Variants in ZRANB1 observed in about 807,000 individuals in gnomAD.
ZRANB1 encodes ubiquitin thioesterase ZRANB1.
A neutral mutation model predicts 80.5 loss-of-function variants in ZRANB1; 16 were observed. That is an observed-to-expected ratio of 0.20 (90% CI 0.13 to 0.30). ZRANB1 has a LOEUF of 0.30. Ranked by LOEUF, ZRANB1 falls within the 10% of genes least tolerant of loss-of-function variation. The pLI is 1.00. For synonymous variants in ZRANB1, 291 were observed against 293.1 expected (o/e 0.99, Z 0.07); for missense variants, 576 against 862.6 (o/e 0.67, Z 4.16).
At chr10:124,964,898 T>A (rs1479750780) in intron 1 of ZRANB1, among the ~76,000 whole-genome samples, 2 of 152,216 alleles carry the variant, frequency 1.3e-5, no homozygotes, top group Non-Finnish European at 2.9e-5. Context: ...AAAACTGCAT[T>A]GAATTATCTT....
At position 124,943,055 on chromosome 10, in the gene ZRANB1, A is replaced by C. The variant is rs1951550517; in HGVS notation, c.562A>C (p.Thr188Pro). ...CATTGAAGCAATAGAATTGGCAGAG[A>C]CTGAAGAGGCTTCTTCAATAATAAA... The part of the protein sequence containing the change: ...NNIEAIELAE[T>P]EEASSIINEQ... Residue 188 changes from threonine to proline, a missense_variant, in exon 1 of 9, where the codon ACT (threonine) becomes CCT (proline). By Grantham distance (38) the Thr-to-Pro change is conservative (BLOSUM62 -1). Around this residue, in one of 3 missense-constraint regions of ZRANB1, gnomAD observed 411 missense variants for 583.1 expected, o/e 0.70. Transcript: ENST00000359653. 6.2e-7 allele frequency: 1 copy of C among 1,614,116 alleles called. No individual in the cohort carries two copies. The highest frequency in any genetic ancestry group is 1.3e-5 in the African/African-American group (1 of 74,942).
chr10:124,945,600 A>G (rs1313155597), intron 1 of ZRANB1: 1 of 152,140 alleles, frequency 6.6e-6, no homozygotes, highest in Non-Finnish European at 1.5e-5. Flanking sequence ...TCAGGGCTTC[A>G]TTTCAACCCC....
chr10:124,970,436 G>T (rs563346456), intron 2 of ZRANB1, among the ~76,000 whole-genome samples: 19 of 151,936 alleles, frequency 1.3e-4, no homozygotes, highest in East Asian at 3.9e-4. Context: ...ATATTTTGGG[G>T]TTTTTTGTAG....
chr10:124,949,332 G>A (rs1409334618), intron 1 of ZRANB1, among the ~76,000 whole-genome samples: 1 of 151,790 alleles, frequency 6.6e-6, no homozygotes, highest in African/African-American at 2.4e-5. Context: ...TTTAGGAGCT[G>A]AGATTTGGTT....
At chr10:124,953,062 T>A (rs1185826877) in intron 1 of ZRANB1, among the ~76,000 whole-genome samples, 1 of 151,612 alleles carries the variant, frequency 6.6e-6, no homozygotes, top group African/African-American at 2.4e-5. Flanking sequence ...GTAGCTGGGA[T>A]TACAGGTGCA....
Position 124,983,216 on chromosome 10 carries a change from A to C in ZRANB1, c.1590A>C (p.Ala530=). ...SLEQTHIFVL[A]HILRRPIIVY... ...AGCAGACGCACATTTTTGTACTGGC[A>C]CATATTCTTAGACGACCAATTATAG... is the stretch of plus-strand genomic sequence containing the variant. The change falls in exon 7 of 9, where the codon GCA becomes GCC. Residue 530 remains alanine (A), a synonymous_variant. Transcript: ENST00000359653. This position sits in a 1 kb window ranked among gnomAD's most constrained non-coding sequence, Gnocchi z 6.2. 1 of 1,614,184 alleles carries C rather than the reference A, an allele frequency of 6.2e-7. No individual in the cohort carries two copies. Among genetic ancestry groups the C allele is most frequent in the Middle Eastern group, 1.6e-4 (1 of 6,062 alleles).
the ZRANB1 span, among the ~76,000 whole-genome samples, chr10:124,929,944 C>CAAA: frequency 1.7e-4 from 15 of 87,722 alleles, no homozygotes; most frequent in Non-Finnish European, 2.3e-4. Context: ...GACTCTGTCT[C>CAAA]AAAAAAAAAA....
intron 5 of ZRANB1, 27 bp downstream of exon 5, chr10:124,974,425 AC>A: frequency 3.1e-6 from 5 of 1,611,070 alleles, no homozygotes; most frequent in Non-Finnish European, 4.2e-6. Context: ...CCCTGTTTCA[AC>A]CCAGGAGTGC....
intron 1 of ZRANB1, among the ~76,000 whole-genome samples, chr10:124,946,636 C>T (rs1951586656): frequency 6.6e-6 from 1 of 152,268 alleles, no homozygotes; most frequent in African/African-American, 2.4e-5. Context: ...TTACTATTAA[C>T]TCTACAATGT....
chr10:124,973,017 G>A (rs1206316238), intron 3 of ZRANB1, among the ~76,000 whole-genome samples: 1 of 151,994 alleles, frequency 6.6e-6, no homozygotes, highest in African/African-American at 2.4e-5. Flanking sequence ...TAATTTTTAT[G>A]TTCAGACAAA....
At chr10:124,931,840 C>G in the ZRANB1 span, among the ~76,000 whole-genome samples, 2 of 152,034 alleles carry the variant, frequency 1.3e-5, no homozygotes, top group Non-Finnish European at 2.9e-5. Flanking sequence ...ACATAATCAC[C>G]CAAAGTACAT....
intron 1 of ZRANB1, among the ~76,000 whole-genome samples, chr10:124,957,011 C>G (rs1951692449): frequency 6.6e-6 from 1 of 152,178 alleles, no homozygotes; most frequent in Non-Finnish European, 1.5e-5. Flanking sequence ...TTTTCCTACA[C>G]AACCACACAG....
chr10:124,919,766 C>A, the ZRANB1 span, among the ~76,000 whole-genome samples: 1 of 151,704 alleles, frequency 6.6e-6, no homozygotes, highest in Non-Finnish European at 1.5e-5. Context: ...CACCTGCCAC[C>A]ACGCCCGGCT....
chr10:124,970,127 A>G (rs1160532586), intron 2 of ZRANB1, among the ~76,000 whole-genome samples: 1 of 152,156 alleles, frequency 6.6e-6, no homozygotes, highest in African/African-American at 2.4e-5. Context: ...AATATTTAAT[A>G]TTTGGTTTTC....
chr10:124,935,372 G>A, the ZRANB1 span, among the ~76,000 whole-genome samples: 1 of 152,186 alleles, frequency 6.6e-6, no homozygotes, highest in Non-Finnish European at 1.5e-5. Flanking sequence ...TAGAAAGAAG[G>A]TACCACATTT....
Position 124,987,875 on chromosome 10 carries a change from A to AAACC in ZRANB1, c.*2883_*2884insAACC, listed in dbSNP as rs2134028131. The AAACC allele has an allele frequency of 6.6e-6, 1 of 152,358 alleles. No homozygotes were observed. The highest frequency in any genetic ancestry group is 2.1e-4 in the South Asian group (1 of 4,824). The allele number at this position is 152,358 out of a possible 1,614,324, so 9.4% of individuals were successfully genotyped here. ...ACTTTTAGTATAAAGGTTTAATTCTATTTAAAAAGAAGATCCATTAAATCA... is the reference window on the plus strand; with the variant it reads ...ACTTTTAGTATAAAGGTTTAATTCTAAACCTTTAAAAAGAAGATCCATTAAATCA... On this transcript the variant is annotated 3_prime_UTR_variant, in exon 9 of 9. Transcript: ENST00000359653.
intron 6 of ZRANB1, among the ~76,000 whole-genome samples, chr10:124,982,523 T>C: frequency 6.6e-6 from 1 of 152,208 alleles, no homozygotes; most frequent in East Asian, 1.9e-4. Flanking sequence ...TTTCATGCTT[T>C]ATTTTGTGAA....
intron 1 of ZRANB1, among the ~76,000 whole-genome samples, chr10:124,950,270 G>A (rs1177279792): frequency 1.3e-5 from 2 of 151,788 alleles, no homozygotes; most frequent in African/African-American, 2.4e-5. Context: ...GACTACAGAC[G>A]TGCACCACCA....
At chr10:124,961,621 T>C (rs918411125) in intron 1 of ZRANB1, among the ~76,000 whole-genome samples, 1 of 152,220 alleles carries the variant, frequency 6.6e-6, no homozygotes, top group Non-Finnish European at 1.5e-5. Context: ...TGATCAAAGA[T>C]GTAAGGAGAA....
Sources: allele counts gnomAD v4.1 joint callset (sites outside exome capture counted in the v4.1 genomes callset), GRCh38; gene constraint gnomAD v4.1.1; regional missense constraint gnomAD v4.1.1; non-coding constraint Gnocchi (gnomAD v3.1); transcripts MANE v1.5; gene names NCBI Gene and HGNC (gene_info 2026-07-23, HGNC 2026-07-21).